Variants in ADARB2 observed in about 807,000 individuals in gnomAD.
ADARB2 encodes the protein inactive double-stranded RNA-specific editase B2.
A neutral mutation model predicts 62.2 loss-of-function variants in ADARB2; 25 were observed. The ratio of observed to expected loss-of-function variants is 0.40; its 90% CI spans 0.29 to 0.56. The LOEUF (loss-of-function observed/expected upper bound fraction) is 0.56, where lower values mean the gene tolerates loss of function less well. Ranked by LOEUF, ADARB2 falls within the 20% of genes least tolerant of loss-of-function variation. The pLI is 0.43. For synonymous variants in ADARB2, 572 were observed against 500.8 expected (o/e 1.14, Z -1.90); for missense variants, 1,071 against 1,077.4 (o/e 0.99, Z 0.08).
chr10:1,635,583 T>C (rs1442127203), intron 1 of ADARB2, among the ~76,000 whole-genome samples: 1 of 152,206 alleles, frequency 6.6e-6, no homozygotes, highest in African/African-American at 2.4e-5. Flanking sequence ...CCCCGCCCAC[T>C]CTGAGCTTCC....
At chr10:1,530,527 G>C (rs1338824751) in intron 1 of ADARB2, among the ~76,000 whole-genome samples, 2 of 152,232 alleles carry the variant, frequency 1.3e-5, no homozygotes, top group Non-Finnish European at 1.5e-5. Context: ...GGGAGCCACA[G>C]GACGAGACTC....
In ADARB2 at chr10:1,352,376, C is replaced by T. The variant is rs972277714; in HGVS notation, c.1077+10652G>A. 2.0e-5 allele frequency among the ~76,000 whole-genome samples: 3 copies of T among 152,198 alleles called. No homozygotes were observed. The East Asian group carries it at 5.8e-4, about 29-fold the overall frequency. ...TGACCCCGTAGATCCTAAATCCTTT[C>T]CCCACTCCTCTTCCACTTCCTTGAA... On this transcript the variant is annotated intron_variant, in intron 3 of 9. Coordinates refer to ENST00000381312, the MANE Select transcript of ADARB2 (RefSeq NM_018702.4).
At chr10:1,378,784 G>C (rs1279320866) in intron 2 of ADARB2, among the ~76,000 whole-genome samples, 1 of 152,180 alleles carries the variant, frequency 6.6e-6, no homozygotes, top group Non-Finnish European at 1.5e-5. Flanking sequence ...TCCAGGTAAG[G>C]ATAGGACCTC....
At chr10:1,206,959 G>A (rs1187120501) in intron 7 of ADARB2, among the ~76,000 whole-genome samples, 1 of 152,376 alleles carries the variant, frequency 6.6e-6, no homozygotes, top group African/African-American at 2.4e-5. Flanking sequence ...GCAGAGCCGC[G>A]AAGGCAGCGG....
intron 7 of ADARB2, chr10:1,200,481 ATTT>A (rs1836971659): frequency 2.2e-6 from 1 of 452,460 alleles, no homozygotes; most frequent in African/African-American, 2.0e-5. Flanking sequence ...GTGAATCTGA[ATTT>A]TTCTTTATAT....
intron 1 of ADARB2, among the ~76,000 whole-genome samples, chr10:1,581,842 G>A (rs1465158532): frequency 2.0e-5 from 3 of 151,186 alleles, no homozygotes; most frequent in African/African-American, 4.9e-5. Flanking sequence ...GTGTGTGTGT[G>A]TGTGTGTGTG....
At chr10:1,526,522 G>A (rs1255692260) in intron 1 of ADARB2, 1 of 172,892 alleles carries the variant, frequency 5.8e-6, no homozygotes, top group African/African-American at 2.4e-5. Context: ...TCTGTGTGTT[G>A]CAGTGAGAGC....
At chr10:1,653,426 T>TG (rs370404772) in intron 1 of ADARB2, among the ~76,000 whole-genome samples, 63 of 152,242 alleles carry the variant, frequency 4.1e-4, no homozygotes, top group African/African-American at 1.4e-3. Context: ...GTAGGCTCTG[T>TG]GGGGTCCCAG....
chr10:1,226,657 G>C (rs1830749225), intron 6 of ADARB2, among the ~76,000 whole-genome samples: 2 of 152,178 alleles, frequency 1.3e-5, no homozygotes, highest in Admixed American at 1.3e-4. Context: ...AGGTCTGTTG[G>C]AGTTTGTTAG....
intron 1 of ADARB2, among the ~76,000 whole-genome samples, chr10:1,682,574 G>A (rs375482150): frequency 1.8e-4 from 28 of 152,210 alleles, no homozygotes; most frequent in African/African-American, 6.0e-4. Flanking sequence ...GGATTAAGCC[G>A]GGTTCAGGGT....
At position 1,426,001 on chromosome 10, in the gene ADARB2, C is replaced by T. The variant is rs4448619; in HGVS notation, c.101-46841G>A. 0.088 allele frequency among the ~76,000 whole-genome samples: 13,429 copies of T among 152,188 alleles called. 642 individuals carry two copies. Among genetic ancestry groups the T allele is most frequent in the South Asian group, 0.19 (932 of 4,818 alleles). On this transcript the variant is annotated intron_variant, in intron 1 of 9. Coordinates refer to ENST00000381312, the MANE Select transcript of ADARB2 (RefSeq NM_018702.4). This position sits in a 1 kb window ranked among gnomAD's most constrained non-coding sequence, Gnocchi z 4.1. ...CACAGAGGCATGTTACTCAAAAATG[C>T]GGAAACAGGTTCTTTCAGGAGGTTA...
At chr10:1,335,471 G>C (rs968409686) in intron 3 of ADARB2, among the ~76,000 whole-genome samples, 1 of 147,672 alleles carries the variant, frequency 6.8e-6, no homozygotes, top group African/African-American at 2.5e-5. Flanking sequence ...GAAGAAGGGT[G>C]GGGGGTGAAG....
chr10:1,229,775 CT>C (rs1564228245), intron 6 of ADARB2, among the ~76,000 whole-genome samples: 10 of 42,208 alleles, frequency 2.4e-4, no homozygotes, highest in African/African-American at 1.3e-3. Flanking sequence ...CACATATGTG[CT>C]TCTGTGTACA....
intron 2 of ADARB2, among the ~76,000 whole-genome samples, chr10:1,364,436 A>G (rs1832295338): frequency 6.6e-6 from 1 of 152,208 alleles, no homozygotes; most frequent in Non-Finnish European, 1.5e-5. Flanking sequence ...AAACCCTAGG[A>G]GCTGGCCCAG....
At chr10:1,343,220 T>C (rs1832046173) in intron 3 of ADARB2, among the ~76,000 whole-genome samples, 1 of 151,822 alleles carries the variant, frequency 6.6e-6, no homozygotes, top group African/African-American at 2.4e-5. Context: ...CACAGACACC[T>C]CTCAAAAGAA....
chr10:1,674,610 G>C (rs996538513), intron 1 of ADARB2, among the ~76,000 whole-genome samples: 1 of 152,164 alleles, frequency 6.6e-6, no homozygotes, highest in Non-Finnish European at 1.5e-5. Flanking sequence ...GTTGTGTTGC[G>C]GTTGGGAGGT....
chr10:1,600,480 GC>G (rs1833396880), intron 1 of ADARB2, among the ~76,000 whole-genome samples: 1 of 151,988 alleles, frequency 6.6e-6, no homozygotes. Flanking sequence ...GGTCAACATG[GC>G]GAAAGCCCCG....
intron 1 of ADARB2, among the ~76,000 whole-genome samples, chr10:1,533,805 G>A (rs1832281906): frequency 6.6e-6 from 1 of 152,190 alleles, no homozygotes; most frequent in Admixed American, 6.5e-5. Context: ...CTGTGCGGAA[G>A]AGAAGCACCC....
At chr10:1,526,134 G>A (rs564700265) in intron 1 of ADARB2, among the ~76,000 whole-genome samples, 1 of 152,278 alleles carries the variant, frequency 6.6e-6, no homozygotes, top group African/African-American at 2.4e-5. Context: ...TTCTAAGGCA[G>A]CAGGGCGGTC....
Sources: gnomAD v4.1 joint callset for allele counts (sites outside exome capture counted in the v4.1 genomes callset) on GRCh38, gnomAD v4.1.1 for gene constraint, Gnocchi (gnomAD v3.1) non-coding constraint, MANE v1.5 for transcripts, NCBI Gene and HGNC (gene_info 2026-07-23, HGNC 2026-07-21) for gene names.